The following ANO10 variants were observed in gnomAD, a reference collection of about 807,000 sequenced individuals.
The protein encoded by ANO10 is anoctamin 10.
ANO10 carries 77 observed loss-of-function variants against 74.7 expected under a neutral mutation model. That is an observed-to-expected ratio of 1.03 (90% confidence interval 0.86 to 1.25). The LOEUF is 1.25. Among genes scored for constraint, ANO10 ranks in the 50% most tolerant of loss-of-function variants. The pLI is 0.00. For missense variants in ANO10, 721 were observed against 778.1 expected (o/e 0.93, Z 0.87); for synonymous variants, 279 against 284.9 (o/e 0.98, Z 0.21).
chr3:43,676,921 G>A (rs963298580), intron 1 of ANO10, among the ~76,000 whole-genome samples: 3 of 152,126 alleles, frequency 2.0e-5, no homozygotes, highest in Admixed American at 6.5e-5. Flanking sequence ...GAGAAAGGGG[G>A]ATGATTTCTA....
chr3:43,448,345 G>C (rs892425936), intron 11 of ANO10, among the ~76,000 whole-genome samples: 4 of 151,956 alleles, frequency 2.6e-5, no homozygotes, highest in Non-Finnish European at 5.9e-5. Context: ...TTCCTCCCTT[G>C]CATCTCTTCC....
intron 12 of ANO10, among the ~76,000 whole-genome samples, chr3:43,382,007 T>C (rs1018049574): frequency 1.6e-4 from 25 of 152,270 alleles, no homozygotes; most frequent in African/African-American, 5.8e-4. Context: ...AATTAAAAAA[T>C]TATTTGAACT....
intron 12 of ANO10, among the ~76,000 whole-genome samples, chr3:43,381,881 A>G (rs996560485): frequency 6.6e-6 from 1 of 152,230 alleles, no homozygotes; most frequent in African/African-American, 2.4e-5. Context: ...CTCAGACCAC[A>G]GTGGAATAAA....
intron 2 of ANO10, among the ~76,000 whole-genome samples, chr3:43,604,667 T>G (rs2082481527): frequency 6.6e-6 from 1 of 152,166 alleles, no homozygotes; most frequent in African/African-American, 2.4e-5. Flanking sequence ...GGAAAGATTT[T>G]TTATGATCGC....
At chr3:43,684,377 T>C (rs1344233263) in intron 1 of ANO10, among the ~76,000 whole-genome samples, 1 of 152,178 alleles carries the variant, frequency 6.6e-6, no homozygotes, top group Non-Finnish European at 1.5e-5. Context: ...AAAGCTAAAA[T>C]GAAATACCAT....
At chr3:43,456,162 G>A (rs1353429909) in intron 11 of ANO10, among the ~76,000 whole-genome samples, 1 of 151,688 alleles carries the variant, frequency 6.6e-6, no homozygotes, top group Non-Finnish European at 1.5e-5. Flanking sequence ...ACCAACACCT[G>A]CACAGTCATT....
chr3:43,391,754 A>T (rs773799072), intron 12 of ANO10, among the ~76,000 whole-genome samples: 17 of 152,156 alleles, frequency 1.1e-4, no homozygotes, highest in Non-Finnish European at 1.8e-4. Flanking sequence ...CAGGGGAGTG[A>T]GCCTGGAAAT....
chr3:43,663,326 A>T (rs532272150), intron 1 of ANO10, among the ~76,000 whole-genome samples: 29 of 152,288 alleles, frequency 1.9e-4, no homozygotes, highest in African/African-American at 6.0e-4. Context: ...AAAGGCCTTC[A>T]ACAAAATTCA....
intron 11 of ANO10, among the ~76,000 whole-genome samples, chr3:43,514,093 A>T (rs1424202104): frequency 1.3e-5 from 2 of 151,494 alleles, no homozygotes; most frequent in African/African-American, 4.8e-5. Flanking sequence ...AAGCAAAAAT[A>T]GAAAAAATAG....
intron 1 of ANO10, among the ~76,000 whole-genome samples, chr3:43,669,579 C>T (rs1341747172): frequency 6.6e-6 from 1 of 152,052 alleles, no homozygotes; most frequent in Non-Finnish European, 1.5e-5. Context: ...CAGCAGTTTG[C>T]CCTGTGAATT....
At chr3:43,559,990 A>C (rs1007295988) in intron 9 of ANO10, among the ~76,000 whole-genome samples, 1 of 152,146 alleles carries the variant, frequency 6.6e-6, no homozygotes, top group Non-Finnish European at 1.5e-5. Flanking sequence ...TATACTTTGA[A>C]TCATCTCCCT....
intron 1 of ANO10, chr3:43,618,130 T>A (rs973086620): frequency 6.6e-6 from 1 of 152,214 alleles, no homozygotes; most frequent in Admixed American, 6.5e-5. Flanking sequence ...GAATGGAGAA[T>A]CAGCCCCGCA....
intron 4 of ANO10, among the ~76,000 whole-genome samples, chr3:43,588,518 T>C (rs2081579628): frequency 6.6e-6 from 1 of 151,906 alleles, no homozygotes; most frequent in Non-Finnish European, 1.5e-5. Context: ...ATGTCATTTA[T>C]TTAAGTTTAC....
chr3:43,682,926 T>C (rs533244757), intron 1 of ANO10, among the ~76,000 whole-genome samples: 61 of 152,196 alleles, frequency 4.0e-4, no homozygotes, highest in Admixed American at 5.9e-4. Flanking sequence ...TGACGGGACA[T>C]ATCTCAAAAT....
chr3:43,505,732 TTTG>T (rs2077270154), intron 11 of ANO10, among the ~76,000 whole-genome samples: 2 of 152,308 alleles, frequency 1.3e-5, no homozygotes, highest in Admixed American at 1.3e-4. Flanking sequence ...TGGGTTTGAA[TTTG>T]TTATTATTCT....
At chr3:43,433,267 C>T (rs976830994) in intron 11 of ANO10, among the ~76,000 whole-genome samples, 14 of 152,060 alleles carry the variant, frequency 9.2e-5, no homozygotes, top group African/African-American at 2.9e-4. Context: ...CTTTTTAAAA[C>T]CAGGTATTCC....
At chr3:43,381,610 C>G (rs192460639) in intron 12 of ANO10, among the ~76,000 whole-genome samples, 409 of 152,210 alleles carry the variant, frequency 2.7e-3, no homozygotes, top group African/African-American at 9.3e-3. Context: ...GACAGCAACA[C>G]GATAATAGTG....
rs112046493 is a variant in ANO10 at position 43,405,225 on chromosome 3, T to A, written c.1914+27386A>T. Among the ~76,000 whole-genome samples the A allele has an allele frequency of 6.8e-4, 103 of 152,312 alleles. 2 individuals carry two copies. The highest frequency in any genetic ancestry group is 2.0e-3 in the African/African-American group (85 of 41,572). ...TGGTGACTTTTAAGAAATGCTACCC[T>A]TTGATAAACTGTAAACACCTGAGTC... On this transcript the variant is annotated intron_variant, in intron 12 of 12. Transcript: ENST00000292246.
intron 1 of ANO10, among the ~76,000 whole-genome samples, chr3:43,650,283 T>C (rs1490396744): frequency 6.6e-6 from 1 of 152,170 alleles, no homozygotes; most frequent in African/African-American, 2.4e-5. Flanking sequence ...CGACTGTCCC[T>C]GGCTGAACTC....
Sources: allele counts gnomAD v4.1 joint callset (sites outside exome capture counted in the v4.1 genomes callset), GRCh38; gene constraint gnomAD v4.1.1; transcripts MANE v1.5; gene names NCBI Gene and HGNC (gene_info 2026-07-23, HGNC 2026-07-21).